Variants in SPATA1 observed in about 807,000 individuals in gnomAD.
The protein encoded by SPATA1 is spermatogenesis-associated protein 1.
Under a neutral mutation model 59.6 loss-of-function variants are expected in SPATA1, and 57 were observed. The ratio of observed to expected loss-of-function variants is 0.96; its 90% confidence interval spans 0.77 to 1.19. The LOEUF is 1.19. SPATA1 is among the 50% of genes most tolerant of loss of function. The pLI is 0.00. For missense variants in SPATA1, 448 were observed against 480.7 expected (o/e 0.93, Z 0.64); for synonymous variants, 147 against 163.9 (o/e 0.90, Z 0.79).
intron 8 of SPATA1, among the ~76,000 whole-genome samples, chr1:84,535,195 AT>A (rs963249501): frequency 6.6e-6 from 1 of 151,950 alleles, no homozygotes; most frequent in Non-Finnish European, 1.5e-5. Context: ...CTGCTCAATG[AT>A]TTTTTTTAAT....
At chr1:84,566,768 G>A (rs1184393686), downstream of SPATA1, among the ~76,000 whole-genome samples, 3 of 152,168 alleles carry the variant, frequency 2.0e-5, no homozygotes, top group African/African-American at 7.2e-5. Flanking sequence ...ACATAGCTGG[G>A]ATTACAGGCA....
chr1:84,537,596 C>T (rs939770631), intron 8 of SPATA1, among the ~76,000 whole-genome samples: 2 of 152,172 alleles, frequency 1.3e-5, no homozygotes, highest in Admixed American at 6.5e-5. Context: ...CAAATATGGA[C>T]TAAATTTCCT....
intron 1 of SPATA1, among the ~76,000 whole-genome samples, chr1:84,509,334 C>G (rs1682434249): frequency 6.6e-6 from 1 of 152,144 alleles, no homozygotes; most frequent in South Asian, 2.1e-4. Flanking sequence ...ACAGTCCCTC[C>G]AATAAATGGT....
At chr1:84,517,312 C>G (rs754368671) in intron 2 of SPATA1, among the ~76,000 whole-genome samples, 40 of 152,102 alleles carry the variant, frequency 2.6e-4, no homozygotes, top group Non-Finnish European at 3.4e-4. Flanking sequence ...GGGTTCAGCT[C>G]TTTGTTCTCT....
At chr1:84,546,944 T>C (rs183632419) in intron 10 of SPATA1, among the ~76,000 whole-genome samples, 11 of 151,004 alleles carry the variant, frequency 7.3e-5, no homozygotes, top group African/African-American at 1.7e-4. Flanking sequence ...GGCTTGAGAG[T>C]TGCTAAATTA....
chr1:84,549,095 C>A, intron 11 of SPATA1, 131 bp downstream of exon 11: 1 of 896,246 alleles, frequency 1.1e-6, no homozygotes, highest in Non-Finnish European at 1.6e-6. Flanking sequence ...TAAAAAAACT[C>A]ATGACCTTAT....
intron 12 of SPATA1, chr1:84,550,912 T>C (rs539025496): frequency 7.2e-6 from 7 of 978,278 alleles, no homozygotes; most frequent in Non-Finnish European, 8.5e-6. Context: ...AATCGTTTCA[T>C]TTTTTCTGGT....
At position 84,522,514 on chromosome 1, in the gene SPATA1, T is replaced by C. The variant is rs1683070505; in HGVS notation, c.261+7T>C. The stretch of plus-strand genomic sequence containing the variant: ...TGGAAATAATTTAGCTGTGGTAAGT[T>C]TTCTTTTTTTTTCTTTCTGATTGAG... On this transcript the variant is annotated splice_region_variant and intron_variant, in intron 4 of 12. Transcript: ENST00000490879. 1 of 1,432,512 alleles carries C rather than the reference T, an allele frequency of 7.0e-7. No homozygotes were observed. Among genetic ancestry groups the C allele is most frequent in the African/African-American group, 1.5e-5 (1 of 68,924 alleles). The allele number at this position is 1,432,512 out of a possible 1,614,324, so 88.7% of individuals were successfully genotyped here.
At chr1:84,523,821 C>A (rs1570406361) in intron 4 of SPATA1, among the ~76,000 whole-genome samples, 1 of 151,976 alleles carries the variant, frequency 6.6e-6, no homozygotes, top group South Asian at 2.1e-4. Context: ...ATTTTTTGTT[C>A]TTTTCATGGT....
intron 8 of SPATA1, among the ~76,000 whole-genome samples, chr1:84,537,089 A>G (rs1417269091): frequency 6.6e-6 from 1 of 151,516 alleles, no homozygotes; most frequent in Non-Finnish European, 1.5e-5. Flanking sequence ...CATCTTGGCC[A>G]GGCTGGTCTT....
chr1:84,563,209 T>C (rs1684626866), intron 4 of SPATA1: 1 of 1,245,384 alleles, frequency 8.0e-7, no homozygotes, highest in Non-Finnish European at 1.1e-6. Flanking sequence ...ATGAAAATAA[T>C]TACAAAAACT....
downstream of SPATA1, among the ~76,000 whole-genome samples, chr1:84,557,153 T>C (rs1684459450): frequency 1.3e-5 from 2 of 152,222 alleles, no homozygotes; most frequent in African/African-American, 4.8e-5. Flanking sequence ...CAAGATGAGC[T>C]GCTATTGCTG....
At chr1:84,515,150 T>A (rs1682742019) in intron 1 of SPATA1, among the ~76,000 whole-genome samples, 1 of 152,028 alleles carries the variant, frequency 6.6e-6, no homozygotes, top group Non-Finnish European at 1.5e-5. Flanking sequence ...TGTATCTGAG[T>A]CATCTTTCAC....
At chr1:84,558,863 T>G (rs1286208568), downstream of SPATA1, among the ~76,000 whole-genome samples, 3 of 151,998 alleles carry the variant, frequency 2.0e-5, no homozygotes, top group African/African-American at 7.3e-5. Flanking sequence ...ATTGTGCCAC[T>G]GCACTCCATC....
chr1:84,521,119 AAGAG>A (rs1352177494), intron 3 of SPATA1, among the ~76,000 whole-genome samples: 4 of 151,690 alleles, frequency 2.6e-5, no homozygotes, highest in African/African-American at 9.7e-5. Context: ...AAAAACAAAA[AAGAG>A]AGAGAGAAAG....
chr1:84,556,943 T>C (rs969282687), downstream of SPATA1, among the ~76,000 whole-genome samples: 1 of 152,192 alleles, frequency 6.6e-6, no homozygotes, highest in African/African-American at 2.4e-5. Context: ...ATATGACAGA[T>C]TATTGAAGAT....
At chr1:84,520,657 G>A (rs1370809242) in exon 3 of SPATA1, 7 of 1,574,574 alleles carry the variant, frequency 4.4e-6, no homozygotes, top group Middle Eastern at 1.7e-4. Flanking sequence ...TTCAACAGAA[G>A]TTGTTAACAA....
At chr1:84,535,288 CA>C (rs1683630010) in intron 8 of SPATA1, among the ~76,000 whole-genome samples, 1 of 151,918 alleles carries the variant, frequency 6.6e-6, no homozygotes, top group Non-Finnish European at 1.5e-5. Flanking sequence ...ATTTCCAAGT[CA>C]ATTTTTTTTC....
At chr1:84,529,358 C>CA (rs983159113) in intron 6 of SPATA1, among the ~76,000 whole-genome samples, 48 of 152,084 alleles carry the variant, frequency 3.2e-4, no homozygotes, top group African/African-American at 1.2e-3. Context: ...TACTCAGAGT[C>CA]AAACACAGTG....
Sources: gnomAD v4.1 joint callset for allele counts (sites outside exome capture counted in the v4.1 genomes callset) on GRCh38, gnomAD v4.1.1 for gene constraint, MANE v1.5 for transcripts, NCBI Gene and HGNC (gene_info 2026-07-23, HGNC 2026-07-21) for gene names.